Variants in CAMK2D observed in about 807,000 individuals in gnomAD.
CAMK2D encodes calcium/calmodulin-dependent protein kinase type II subunit delta.
Under a neutral mutation model 84.0 loss-of-function variants are expected in CAMK2D, and 37 were observed. That is an observed-to-expected ratio of 0.44 (90% CI 0.34 to 0.58). The LOEUF is 0.58. CAMK2D is among the 20% of genes least tolerant of loss of function. CAMK2D has a pLI of 0.02. For synonymous variants in CAMK2D, 202 were observed against 212.5 expected (o/e 0.95, Z 0.43); for missense variants, 448 against 652.5 (o/e 0.69, Z 3.41).
intron 3 of CAMK2D, among the ~76,000 whole-genome samples, chr4:113,652,843 G>C (rs2099180867): frequency 6.6e-6 from 1 of 152,078 alleles, no homozygotes; most frequent in African/African-American, 2.4e-5. Context: ...TGTACTATAA[G>C]TAACTCTAAA....
At chr4:113,734,262 T>A (rs915278613) in intron 2 of CAMK2D, among the ~76,000 whole-genome samples, 1 of 152,170 alleles carries the variant, frequency 6.6e-6, no homozygotes, top group Admixed American at 6.5e-5. Context: ...TGTTTCAACT[T>A]ACTTTTTTTC....
At chr4:113,519,510 C>T (rs1302994159) in intron 8 of CAMK2D, among the ~76,000 whole-genome samples, 1 of 150,986 alleles carries the variant, frequency 6.6e-6, no homozygotes, top group Non-Finnish European at 1.5e-5. Flanking sequence ...CACTTTTAGG[C>T]CCAAAGACTT....
intron 4 of CAMK2D, among the ~76,000 whole-genome samples, chr4:113,567,846 T>C (rs2098733144): frequency 6.6e-6 from 1 of 152,192 alleles, no homozygotes; most frequent in African/African-American, 2.4e-5. Flanking sequence ...AGGTACACAC[T>C]AGGTACCCAA....
Position 113,547,671 on chromosome 4 carries a change from C to A in CAMK2D, c.387G>T (p.Gln129His). The A allele has an allele frequency of 6.4e-7, 1 of 1,570,816 alleles. No individual in the cohort carries two copies. Among genetic ancestry groups the A allele is most frequent in the Non-Finnish European group, 8.6e-7 (1 of 1,165,536 alleles). The change falls in exon 6 of 21, where the codon CAG becomes CAT. Residue 129 changes from glutamine to histidine, a missense_variant. By Grantham distance (24) the Gln-to-His change is conservative. Around this residue, in one of 7 missense-constraint regions of CAMK2D, gnomAD observed 60 missense variants for 70.0 expected, o/e 0.86. Coordinates refer to ENST00000511664, the MANE Select transcript of CAMK2D (RefSeq NM_001321571.2). ...QILEAVLHCH[Q>H]MGVVHRDLKP... ...TCAGGTCCCGATGGACCACGCCCAT[C>A]TGATGGCAGTGTAGCACAGCCTCCA...
chr4:113,459,498 T>C (rs2097345189), intron 18 of CAMK2D, among the ~76,000 whole-genome samples: 1 of 152,214 alleles, frequency 6.6e-6, no homozygotes, highest in Non-Finnish European at 1.5e-5. Context: ...GTGTTGGGAT[T>C]ACTGGCATGA....
At chr4:113,490,067 G>A (rs1262806767) in intron 16 of CAMK2D, among the ~76,000 whole-genome samples, 19 of 151,612 alleles carry the variant, frequency 1.3e-4, no homozygotes, top group South Asian at 6.3e-4. Context: ...AGAAGGTTGC[G>A]AAAATTTTCT....
At chr4:113,663,938 G>A (rs2099247640) in intron 2 of CAMK2D, among the ~76,000 whole-genome samples, 1 of 152,154 alleles carries the variant, frequency 6.6e-6, no homozygotes, top group African/African-American at 2.4e-5. Flanking sequence ...TTTGGAGATG[G>A]AATGTTTAAA....
At position 113,759,372 on chromosome 4, in the gene CAMK2D, A is replaced by G; in HGVS notation, c.108T>C (p.Thr36=). The change falls in exon 2 of 21, where the codon ACT becomes ACC. Residue 36 remains threonine (T), a synonymous_variant. Transcript: ENST00000511664. ...TAATTTTGGCAGCATATTCTTGTCC[A>G]GTAGGAATTTTCATACATCTTCTCA... ...SVVRRCMKIP[T]GQEYAAKIIN... is the part of the protein sequence containing the mutation. 1 of 1,608,502 alleles carries G rather than the reference A, an allele frequency of 6.2e-7. No individual in the cohort carries two copies. The highest frequency in any genetic ancestry group is 1.7e-5 in the Admixed American group (1 of 59,908).
intron 16 of CAMK2D, among the ~76,000 whole-genome samples, chr4:113,497,586 T>C (rs750423940): frequency 4.6e-4 from 70 of 152,216 alleles, no homozygotes; most frequent in Non-Finnish European, 7.9e-4. Flanking sequence ...AGAAAAACTT[T>C]GTTGTTAGTT....
At chr4:113,527,701 C>T (rs556178978) in intron 8 of CAMK2D, among the ~76,000 whole-genome samples, 6 of 152,006 alleles carry the variant, frequency 3.9e-5, no homozygotes, top group South Asian at 4.2e-4. Context: ...TTCTTCAACA[C>T]CAATAAAACT....
chr4:113,579,678 A>G (rs1271449869), intron 4 of CAMK2D, among the ~76,000 whole-genome samples: 2 of 152,180 alleles, frequency 1.3e-5, no homozygotes, highest in African/African-American at 4.8e-5. Flanking sequence ...TGCCAGCACT[A>G]TGCTTCTTGT....
rs1256873871 is a variant in CAMK2D at position 113,761,644 on chromosome 4, G to A, written c.-576C>T. 2.0e-6 allele frequency: 2 copies of A among 985,026 alleles called. No individual in the cohort carries two copies. The highest frequency in any genetic ancestry group is 5.2e-4 in the Middle Eastern group (1 of 1,932). The allele number at this position is 985,026 out of a possible 1,614,324, so 61.0% of individuals were successfully genotyped here. A position where few individuals can be genotyped will look rare whatever the true frequency, so the allele number is the denominator to read the frequency against. On this transcript the variant is annotated 5_prime_UTR_variant, in exon 1 of 21. Coordinates refer to ENST00000511664, the MANE Select transcript of CAMK2D (RefSeq NM_001321571.2). Reference sequence around the variant, plus strand: ...GCGCGCCCGAGGCCGGCTTCCCTCCGGCGGGCGGCAGCGGCTCCGGCGAAG... The same window carrying A: ...GCGCGCCCGAGGCCGGCTTCCCTCCAGCGGGCGGCAGCGGCTCCGGCGAAG...
At chr4:113,628,988 C>T (rs189142003) in intron 3 of CAMK2D, among the ~76,000 whole-genome samples, 65 of 151,812 alleles carry the variant, frequency 4.3e-4, no homozygotes, top group African/African-American at 1.3e-3. Context: ...TTTCCACCAA[C>T]GTAAATAATA....
chr4:113,547,539 C>T (rs558965341), intron 6 of CAMK2D, 105 bp downstream of exon 6: 2 of 594,576 alleles, frequency 3.4e-6, no homozygotes, highest in Non-Finnish European at 5.8e-6. Flanking sequence ...TGGAATAAGT[C>T]CACACAACTT....
At chr4:113,720,114 C>T (rs1176021413) in intron 2 of CAMK2D, among the ~76,000 whole-genome samples, 2 of 151,996 alleles carry the variant, frequency 1.3e-5, no homozygotes, top group Non-Finnish European at 2.9e-5. Flanking sequence ...AGCCGAGTTG[C>T]TATCAACAGT....
chr4:113,756,427 G>C (rs1430988256), intron 2 of CAMK2D, among the ~76,000 whole-genome samples: 1 of 151,802 alleles, frequency 6.6e-6, no homozygotes, highest in East Asian at 1.9e-4. Flanking sequence ...ACAAAAATTT[G>C]CACAAAAAAA....
At chr4:113,605,375 A>T (rs960238782) in intron 4 of CAMK2D, among the ~76,000 whole-genome samples, 5 of 152,288 alleles carry the variant, frequency 3.3e-5, no homozygotes, top group Non-Finnish European at 7.3e-5. Context: ...ATATTAATAC[A>T]AATTATATGC....
chr4:113,452,797 C>T lies in CAMK2D; in HGVS notation c.*1748G>A, dbSNP rs1052813598. 4 of 152,092 alleles carry T rather than the reference C, an allele frequency of 2.6e-5. No individual in the cohort carries two copies. Among genetic ancestry groups the T allele is most frequent in the Non-Finnish European group, 5.9e-5 (4 of 67,954 alleles). 9.4% of individuals were successfully genotyped at this position (152,092 alleles called of 1,614,324 possible). ...ATCTCATTGGCAGGTTAACATGGCT[C>T]AATATATTTACTGTATATATTTATT... is the stretch of plus-strand genomic sequence containing the variant. On this transcript the variant is annotated 3_prime_UTR_variant, in exon 21 of 21. Transcript: ENST00000511664.
intron 2 of CAMK2D, among the ~76,000 whole-genome samples, chr4:113,720,410 C>T (rs941031992): frequency 6.7e-6 from 1 of 150,124 alleles, no homozygotes; most frequent in African/African-American, 2.5e-5. Context: ...TTTAAAAAAA[C>T]GCCTTCTAAT....
Sources: allele counts gnomAD v4.1 joint callset (sites outside exome capture counted in the v4.1 genomes callset), GRCh38; gene constraint gnomAD v4.1.1; regional missense constraint gnomAD v4.1.1; transcripts MANE v1.5; gene names NCBI Gene and HGNC (gene_info 2026-07-23, HGNC 2026-07-21).